Variants in DIP2C observed in about 807,000 individuals in gnomAD.
DIP2C encodes the protein DIP2 acetate--CoA ligase C (putative).
In DIP2C, 33 loss-of-function variants were observed where a neutral mutation model predicts 192.4. The ratio of observed to expected loss-of-function variants is 0.17; its 90% CI spans 0.13 to 0.23. The LOEUF (loss-of-function observed/expected upper bound fraction) is 0.23. Among genes scored for constraint, DIP2C ranks in the 10% least tolerant of loss-of-function variants. DIP2C has a pLI of 1.00. For synonymous variants in DIP2C, 979 were observed against 864.1 expected (o/e 1.13, Z -2.33); for missense variants, 1,537 against 2,110.1 (o/e 0.73, Z 5.32).
intron 24 of DIP2C, among the ~76,000 whole-genome samples, chr10:353,783 G>A (rs921881651): frequency 2.6e-5 from 4 of 152,208 alleles, no homozygotes; most frequent in Non-Finnish European, 5.9e-5. Flanking sequence ...CTGGGGGGCT[G>A]GTGTACGTGC....
intron 11 of DIP2C, 129 bp from the exon 12 acceptor site, chr10:390,502 C>A (rs1040413256): frequency 9.2e-7 from 1 of 1,092,324 alleles, no homozygotes; most frequent in Non-Finnish European, 1.3e-6. Context: ...CCGGACTTCA[C>A]GAGATCTAAG....
chr10:421,653 C>T (rs1009668696), intron 5 of DIP2C, among the ~76,000 whole-genome samples: 1 of 152,192 alleles, frequency 6.6e-6, no homozygotes, highest in African/African-American at 2.4e-5. Context: ...TACTGCTTTG[C>T]ATTTGAGTAT....
At chr10:513,044 C>T (rs1461827681) in intron 1 of DIP2C, among the ~76,000 whole-genome samples, 1 of 151,432 alleles carries the variant, frequency 6.6e-6, no homozygotes, top group Non-Finnish European at 1.5e-5. Flanking sequence ...ATTCAAGATA[C>T]ACATTCCTAC....
chr10:425,025 C>T (rs200889064), intron 4 of DIP2C, among the ~76,000 whole-genome samples: 390 of 135,818 alleles, frequency 2.9e-3, no homozygotes, highest in East Asian at 6.3e-3. Context: ...TAATACGACA[C>T]GGATGATACA....
intron 32 of DIP2C, among the ~76,000 whole-genome samples, chr10:290,093 G>C (rs1323773176): frequency 6.6e-6 from 1 of 152,246 alleles, no homozygotes; most frequent in East Asian, 1.9e-4. Context: ...ACAGAGAGGA[G>C]ACGCTGGGGA....
chr10:471,059 G>T (rs1336312452), intron 3 of DIP2C, among the ~76,000 whole-genome samples: 3 of 152,066 alleles, frequency 2.0e-5, no homozygotes, highest in African/African-American at 4.8e-5. Context: ...AGTAAGAGAA[G>T]GTCTCAATAT....
chr10:598,474 G>T (rs569531406), intron 1 of DIP2C, among the ~76,000 whole-genome samples: 11 of 152,264 alleles, frequency 7.2e-5, no homozygotes, highest in African/African-American at 2.4e-4. Flanking sequence ...CTGTGGGAAA[G>T]TCAGTCTCAG....
rs146938720 is a variant in DIP2C, at chr10:290,178, C to T, written c.3987-1757G>A. On this transcript the variant is annotated intron_variant, in intron 32 of 36. Coordinates refer to ENST00000280886, the MANE Select transcript of DIP2C (RefSeq NM_014974.3). Reference sequence around the variant, plus strand: ...GGAGCCATTTCAGATCAGATGACAACCATTAACTCTGTGGTGTCTGTCTTA... The same window carrying T: ...GGAGCCATTTCAGATCAGATGACAATCATTAACTCTGTGGTGTCTGTCTTA... Among the ~76,000 whole-genome samples, 481 of 152,286 alleles carry T rather than the reference C, an allele frequency of 3.2e-3. 2 individuals are homozygous for T. The highest frequency in any genetic ancestry group is 5.5e-3 in the Non-Finnish European group (375 of 68,028).
At chr10:308,449 ATG>A (rs1220299815) in intron 32 of DIP2C, among the ~76,000 whole-genome samples, 2 of 149,698 alleles carry the variant, frequency 1.3e-5, no homozygotes, top group Non-Finnish European at 2.9e-5. Flanking sequence ...AACTGCATAC[ATG>A]TGTTATTGAT....
At chr10:611,691 A>G (rs1179152901) in intron 1 of DIP2C, among the ~76,000 whole-genome samples, 1 of 151,472 alleles carries the variant, frequency 6.6e-6, no homozygotes, top group Non-Finnish European at 1.5e-5. Flanking sequence ...TCACTGAAAA[A>G]TCATCCGATG....
At chr10:516,082 C>T (rs977221687) in intron 1 of DIP2C, among the ~76,000 whole-genome samples, 7 of 150,888 alleles carry the variant, frequency 4.6e-5, no homozygotes, top group Non-Finnish European at 7.4e-5. Context: ...CGAGAGGAAA[C>T]GAGGGGGTTT....
At chr10:470,793 G>A (rs956456073) in intron 3 of DIP2C, among the ~76,000 whole-genome samples, 1 of 152,188 alleles carries the variant, frequency 6.6e-6, no homozygotes, top group Non-Finnish European at 1.5e-5. Context: ...CCGTGTGATC[G>A]TCAGCCATTG....
chr10:555,871 G>A (rs1848827503), intron 1 of DIP2C, among the ~76,000 whole-genome samples: 1 of 152,114 alleles, frequency 6.6e-6, no homozygotes, highest in Admixed American at 6.5e-5. Context: ...TCAAGTCACA[G>A]AACACGGTCT....
At chr10:575,482 C>T (rs1463477236) in intron 1 of DIP2C, among the ~76,000 whole-genome samples, 5 of 152,284 alleles carry the variant, frequency 3.3e-5, no homozygotes, top group South Asian at 4.2e-4. Context: ...CCAAAACAAA[C>T]GCAAAAGTCT....
intron 1 of DIP2C, among the ~76,000 whole-genome samples, chr10:640,790 C>T (rs1326093516): frequency 1.3e-5 from 2 of 149,864 alleles, no homozygotes; most frequent in African/African-American, 2.5e-5. Flanking sequence ...GAAGAGGGTG[C>T]GCAGGCTCCG....
At chr10:585,612 G>T (rs1453523230) in intron 1 of DIP2C, among the ~76,000 whole-genome samples, 15 of 152,116 alleles carry the variant, frequency 9.9e-5, no homozygotes, top group African/African-American at 3.4e-4. Context: ...CAGGAAGGTG[G>T]CTGAGCCCAA....
rs1831014713 is a variant in DIP2C, at chr10:679,208, CATCT to C, written c.85+10282_85+10285del. On this transcript the variant is annotated intron_variant, in intron 1 of 36. Transcript: ENST00000280886. ...TCCCCACACCCAGGCTCCCCGCGCC[CATCT>C]CTACTCCCCACACCCAGGCTCCCCG... Among the ~76,000 whole-genome samples, 3 of 43,848 alleles carry C rather than the reference CATCT, an allele frequency of 6.8e-5. 1 individual carries two copies. The highest frequency in any genetic ancestry group is 2.2e-4 in the African/African-American group (3 of 13,918). The allele number at this position is 43,848 out of a possible 152,430, so 28.8% of individuals were successfully genotyped here.
chr10:362,769 T>C lies in DIP2C; in HGVS notation c.2593-78A>G, dbSNP rs1959690819. On this transcript the variant is annotated intron_variant, in intron 21 of 36. Coordinates refer to ENST00000280886, the MANE Select transcript of DIP2C (RefSeq NM_014974.3). Reference sequence around the variant, plus strand: ...CGTATTTATATTATGCAAAATATGATCCACAATACACAGAAGTCTGTGCAG... The same window carrying C: ...CGTATTTATATTATGCAAAATATGACCCACAATACACAGAAGTCTGTGCAG... 6.3e-6 allele frequency: 9 copies of C among 1,435,506 alleles called. No individual in the cohort carries two copies. The South Asian group carries it at 1.2e-4, about 19-fold the overall frequency. 88.9% of individuals were successfully genotyped at this position (1,435,506 alleles called of 1,614,324 possible).
chr10:561,620 G>A (rs1337115791), intron 1 of DIP2C, among the ~76,000 whole-genome samples: 1 of 152,152 alleles, frequency 6.6e-6, no homozygotes, highest in East Asian at 1.9e-4. Flanking sequence ...CTGTCTCCAA[G>A]GCCCTTTCCC....
Sources: allele counts gnomAD v4.1 joint callset (sites outside exome capture counted in the v4.1 genomes callset), GRCh38; gene constraint gnomAD v4.1.1; transcripts MANE v1.5; gene names NCBI Gene and HGNC (gene_info 2026-07-23, HGNC 2026-07-21).